RARB: variants seen among roughly 807,000 people sequenced by gnomAD.
RARB encodes the protein HBV-activated protein.
In RARB, 17 loss-of-function variants were observed where a neutral mutation model predicts 51.9. The observed-to-expected ratio is 0.33, with a 90% CI of 0.22 to 0.49. RARB has a LOEUF of 0.49. Ranked by LOEUF, RARB falls within the 20% of genes least tolerant of loss-of-function variation. The pLI, the probability that RARB is intolerant of heterozygous loss-of-function variation, is 0.99. For synonymous variants in RARB, 215 were observed against 195.4 expected (o/e 1.10, Z -0.84); for missense variants, 369 against 550.8 (o/e 0.67, Z 3.30).
chr3:25,556,471 T>C (rs1452148900), intron 3 of RARB, among the ~76,000 whole-genome samples: 2 of 152,210 alleles, frequency 1.3e-5, no homozygotes, highest in African/African-American at 4.8e-5. Flanking sequence ...TTTCTAGTTA[T>C]AGTCCTCATT....
intron 4 of RARB, among the ~76,000 whole-genome samples, chr3:25,171,994 T>G (rs990359874): frequency 6.6e-6 from 1 of 152,152 alleles, no homozygotes; most frequent in Non-Finnish European, 1.5e-5. Context: ...AAACAAGTTG[T>G]AGTTTGAAAG....
At chr3:24,902,573 T>G (rs879897053) in intron 2 of RARB, among the ~76,000 whole-genome samples, 1 of 152,216 alleles carries the variant, frequency 6.6e-6, no homozygotes, top group African/African-American at 2.4e-5. Flanking sequence ...TGAATTTATA[T>G]GTATTGTACA....
chr3:24,854,495 C>G (rs1226813099), intron 1 of RARB, among the ~76,000 whole-genome samples: 1 of 152,158 alleles, frequency 6.6e-6, no homozygotes, highest in Non-Finnish European at 1.5e-5. Context: ...AGTGTTGGCC[C>G]TGGACCAATA....
At chr3:25,554,370 C>T (rs569305281) in intron 3 of RARB, among the ~76,000 whole-genome samples, 4 of 151,898 alleles carry the variant, frequency 2.6e-5, no homozygotes, top group Non-Finnish European at 5.9e-5. Context: ...ACAGGTCAGC[C>T]AACTCTGCAG....
At chr3:25,276,184 A>T (rs1037614556) in intron 5 of RARB, among the ~76,000 whole-genome samples, 1 of 152,164 alleles carries the variant, frequency 6.6e-6, no homozygotes, top group African/African-American at 2.4e-5. Context: ...TGTCTTTTTG[A>T]TAATAGCTAT....
At chr3:25,158,149 A>G in intron 4 of RARB, among the ~76,000 whole-genome samples, 1 of 152,348 alleles carries the variant, frequency 6.6e-6, no homozygotes, top group East Asian at 1.9e-4. Context: ...CAGCCAGCCT[A>G]TCAAGATAAT....
intron 2 of RARB, among the ~76,000 whole-genome samples, chr3:24,978,079 C>G (rs572441047): frequency 6.6e-6 from 1 of 152,128 alleles, no homozygotes; most frequent in Non-Finnish European, 1.5e-5. Flanking sequence ...GTTGAACCTG[C>G]CTTGCATCCC....
intron 5 of RARB, among the ~76,000 whole-genome samples, chr3:25,223,851 T>C (rs1302618879): frequency 6.6e-6 from 1 of 152,254 alleles, no homozygotes; most frequent in African/African-American, 2.4e-5. Flanking sequence ...ATGCTTTTCC[T>C]ATCCAGTGTA....
intron 5 of RARB, among the ~76,000 whole-genome samples, chr3:25,261,308 T>G (rs994473468): frequency 3.3e-5 from 5 of 152,082 alleles, no homozygotes; most frequent in African/African-American, 1.2e-4. Flanking sequence ...CCTTCCCTTC[T>G]TCTTGAAACT....
chr3:25,249,099 A>G (rs1055723924), intron 5 of RARB, among the ~76,000 whole-genome samples: 1 of 152,064 alleles, frequency 6.6e-6, no homozygotes, highest in Non-Finnish European at 1.5e-5. Context: ...ATGGCATCCT[A>G]TACATTATGT....
intron 5 of RARB, among the ~76,000 whole-genome samples, chr3:25,347,591 A>AT (rs1705432614): frequency 6.6e-6 from 1 of 152,352 alleles, no homozygotes; most frequent in South Asian, 2.1e-4. Flanking sequence ...GCAGTGACAA[A>AT]GGAGCCCAAG....
intron 3 of RARB, among the ~76,000 whole-genome samples, chr3:25,073,856 G>A (rs1318852394): frequency 6.6e-6 from 1 of 151,406 alleles, no homozygotes; most frequent in East Asian, 1.9e-4. Context: ...CAACTATCTT[G>A]TGAATTAGAC....
At chr3:25,043,631 T>G (rs546428087) in intron 2 of RARB, among the ~76,000 whole-genome samples, 2 of 152,328 alleles carry the variant, frequency 1.3e-5, no homozygotes, top group African/African-American at 4.8e-5. Context: ...AAGTAGGCGT[T>G]ACAGGGTTTT....
intron 5 of RARB, among the ~76,000 whole-genome samples, chr3:25,180,894 CT>C (rs1312130722): frequency 8.6e-5 from 13 of 151,968 alleles, no homozygotes; most frequent in East Asian, 1.9e-4. Context: ...AATTCCCTTG[CT>C]TTTTTTTAAC....
At chr3:25,037,264 T>A (rs1453856934) in intron 2 of RARB, among the ~76,000 whole-genome samples, 1 of 151,936 alleles carries the variant, frequency 6.6e-6, no homozygotes. Context: ...ACCAGCTTTT[T>A]TTTTTTTTTC....
chr3:25,027,722 T>A (rs1697779798), intron 2 of RARB, among the ~76,000 whole-genome samples: 1 of 152,176 alleles, frequency 6.6e-6, no homozygotes, highest in Admixed American at 6.5e-5. Flanking sequence ...TCAGTGGCAA[T>A]TATAAGTAAC....
chr3:24,913,381 GTCT>G (rs1041987861), intron 2 of RARB, among the ~76,000 whole-genome samples: 10 of 144,348 alleles, frequency 6.9e-5, no homozygotes, highest in Admixed American at 1.4e-4. Context: ...AAGTGACATA[GTCT>G]TCTTTCTCTC....
At chr3:25,307,222 C>G (rs1468922579) in intron 5 of RARB, among the ~76,000 whole-genome samples, 1 of 151,936 alleles carries the variant, frequency 6.6e-6, no homozygotes, top group African/African-American at 2.4e-5. Context: ...CCCGTCTCTA[C>G]TAAAAATACA....
intron 4 of RARB, among the ~76,000 whole-genome samples, chr3:25,164,524 T>A (rs1185011593): frequency 2.6e-5 from 4 of 152,200 alleles, no homozygotes; most frequent in African/African-American, 9.7e-5. Context: ...TTCTTGCTTT[T>A]TTGTTGTCTT....
Sources: allele counts gnomAD v4.1 joint callset (sites outside exome capture counted in the v4.1 genomes callset), GRCh38; gene constraint gnomAD v4.1.1; transcripts MANE v1.5; gene names NCBI Gene and HGNC (gene_info 2026-07-23, HGNC 2026-07-21).